The following RAD51B variants were observed in gnomAD, a reference collection of about 807,000 sequenced individuals.
RAD51B encodes DNA repair protein RAD51 homolog 2.
A neutral mutation model predicts 42.2 loss-of-function variants in RAD51B; 38 were observed. That is an observed-to-expected ratio of 0.90 (90% CI 0.70 to 1.18). The LOEUF is 1.18. Ranked by LOEUF, RAD51B falls within the 50% of genes most tolerant of loss-of-function variation. The pLI is 0.00. For missense variants in RAD51B, 373 were observed against 400.7 expected, an observed-to-expected ratio of 0.93 and a Z score of 0.59; for synonymous variants, 154 against 145.2, an observed-to-expected ratio of 1.06 and a Z score of -0.43.
intron 10 of RAD51B, chr14:68,497,106 T>C (rs2140292367): frequency 7.3e-7 from 1 of 1,377,714 alleles, no homozygotes; most frequent in Non-Finnish European, 9.7e-7. Context: ...GACACTCATG[T>C]TCTTTTTCTT....
At chr14:68,633,045 A>G (rs1357045899) in intron 10 of RAD51B, among the ~76,000 whole-genome samples, 2 of 117,426 alleles carry the variant, frequency 1.7e-5, no homozygotes, top group East Asian at 2.8e-4. Flanking sequence ...TCTTGAACAC[A>G]TGGGCTCAAG....
intron 8 of RAD51B, among the ~76,000 whole-genome samples, chr14:68,335,277 A>T (rs901042223): frequency 5.7e-5 from 8 of 139,734 alleles, no homozygotes; most frequent in Non-Finnish European, 1.2e-4. Context: ...AGCCTGGGTG[A>T]CAGAGTGAGA....
intron 10 of RAD51B, among the ~76,000 whole-genome samples, chr14:68,603,358 A>C (rs1019624597): frequency 3.3e-5 from 5 of 152,182 alleles, no homozygotes; most frequent in Non-Finnish European, 5.9e-5. Flanking sequence ...TTCCACAATC[A>C]GGAAGGGTGG....
chr14:68,655,318 G>T (rs77995737), intron 11 of RAD51B, among the ~76,000 whole-genome samples: 1 of 152,134 alleles, frequency 6.6e-6, no homozygotes, highest in African/African-American at 2.4e-5. Context: ...CAGCTGCTCA[G>T]GGTTATACTT....
chr14:68,630,370 C>T (rs758167210), intron 10 of RAD51B, among the ~76,000 whole-genome samples: 6 of 151,988 alleles, frequency 3.9e-5, no homozygotes. Context: ...GCTCTTTCTC[C>T]CCCACTAGTC....
At chr14:68,142,341 C>T (rs758808316) in intron 7 of RAD51B, among the ~76,000 whole-genome samples, 8 of 152,194 alleles carry the variant, frequency 5.3e-5, no homozygotes, top group Non-Finnish European at 1.0e-4. Flanking sequence ...TTAAGGGTTA[C>T]GTATTTCTGA....
intron 10 of RAD51B, among the ~76,000 whole-genome samples, chr14:68,516,737 A>G (rs1259545311): frequency 6.6e-6 from 1 of 152,236 alleles, no homozygotes; most frequent in African/African-American, 2.4e-5. Context: ...CATGATTTTG[A>G]AATAATATGC....
intron 9 of RAD51B, among the ~76,000 whole-genome samples, chr14:68,413,019 T>G (rs2140086863): frequency 6.6e-6 from 1 of 152,334 alleles, no homozygotes; most frequent in African/African-American, 2.4e-5. Flanking sequence ...GGTTTTAGAT[T>G]TTAGAAGCCA....
At chr14:68,286,486 C>T (rs1384469983) in intron 7 of RAD51B, among the ~76,000 whole-genome samples, 1 of 152,148 alleles carries the variant, frequency 6.6e-6, no homozygotes, top group African/African-American at 2.4e-5. Flanking sequence ...TCTTCTTTGT[C>T]CCCCACCAAA....
chr14:68,023,180 G>A (rs1418076026), intron 7 of RAD51B, among the ~76,000 whole-genome samples: 1 of 152,124 alleles, frequency 6.6e-6, no homozygotes, highest in Admixed American at 6.5e-5. Flanking sequence ...CCCAGTAATG[G>A]GATTACTGGG....
chr14:68,486,501 C>T (rs1457066485), intron 10 of RAD51B, among the ~76,000 whole-genome samples: 3 of 152,166 alleles, frequency 2.0e-5, no homozygotes, highest in African/African-American at 7.2e-5. Context: ...GAGGCAGAAG[C>T]CAGTTTGGCT....
chr14:68,103,141 G>A (rs1234070373), intron 7 of RAD51B, among the ~76,000 whole-genome samples: 1 of 152,010 alleles, frequency 6.6e-6, no homozygotes, highest in Admixed American at 6.5e-5. Context: ...AAAAGATTTG[G>A]GTGGGCACAC....
At chr14:68,368,630 A>G (rs1004210490) in intron 8 of RAD51B, among the ~76,000 whole-genome samples, 4 of 152,174 alleles carry the variant, frequency 2.6e-5, no homozygotes, top group African/African-American at 7.2e-5. Flanking sequence ...CATATGCTCT[A>G]TGATGGGGCA....
chr14:68,650,959 A>G, intron 11 of RAD51B: 1 of 623,726 alleles, frequency 1.6e-6, no homozygotes, highest in Non-Finnish European at 2.9e-6. Flanking sequence ...CCTCAAAAGC[A>G]TAGCAATATG....
intron 10 of RAD51B, among the ~76,000 whole-genome samples, chr14:68,579,537 A>G (rs1162176339): frequency 1.3e-5 from 2 of 152,158 alleles, no homozygotes; most frequent in African/African-American, 4.8e-5. Flanking sequence ...AACAATGAAT[A>G]CTTTTTTTAG....
chr14:68,648,966 C>A (rs920867772), intron 10 of RAD51B, among the ~76,000 whole-genome samples: 3 of 152,060 alleles, frequency 2.0e-5, no homozygotes, highest in African/African-American at 7.2e-5. Flanking sequence ...GGACTGATGA[C>A]CAAGAGTCCA....
chr14:68,596,263 CTT>C (rs917535334), downstream of RAD51B, among the ~76,000 whole-genome samples: 3 of 150,242 alleles, frequency 2.0e-5, no homozygotes, highest in African/African-American at 4.9e-5. Flanking sequence ...CGTACCCAAA[CTT>C]TTTTTTTTCT....
intron 11 of RAD51B, among the ~76,000 whole-genome samples, chr14:68,660,142 T>C (rs1349192875): frequency 5.9e-5 from 9 of 152,158 alleles, no homozygotes; most frequent in African/African-American, 2.2e-4. Flanking sequence ...GGCTGGCCCA[T>C]CTAAAGGGGG....
At chr14:67,836,441 T>C (rs2041244355) in intron 4 of RAD51B, among the ~76,000 whole-genome samples, 1 of 151,898 alleles carries the variant, frequency 6.6e-6, no homozygotes, top group African/African-American at 2.4e-5. Flanking sequence ...TCATTAGAAG[T>C]GAGTCATTAA....
Sources: gnomAD v4.1 joint callset for allele counts (sites outside exome capture counted in the v4.1 genomes callset) on GRCh38, gnomAD v4.1.1 for gene constraint, MANE v1.5 for transcripts, NCBI Gene and HGNC (gene_info 2026-07-23, HGNC 2026-07-21) for gene names.